CDH4: variants seen among roughly 807,000 people sequenced by gnomAD.
CDH4 encodes cadherin 4.
CDH4 carries 33 observed loss-of-function variants against 86.0 expected under a neutral mutation model. The observed-to-expected ratio is 0.38, with a 90% CI of 0.29 to 0.51. CDH4 has a LOEUF of 0.51. Ranked by LOEUF, CDH4 falls within the 20% of genes least tolerant of loss-of-function variation. The probability of loss-of-function intolerance (pLI) is 0.86; values close to 1 mark genes in which losing one functional copy is unlikely to be tolerated. For missense variants in CDH4, 1,114 were observed against 1,307.4 expected (o/e 0.85, Z 2.28); for synonymous variants, 555 against 549.4 (o/e 1.01, Z -0.14).
intron 5 of CDH4, 36 bp downstream of exon 5, chr20:61,844,859 G>T: frequency 6.3e-7 from 1 of 1,583,764 alleles, no homozygotes. Flanking sequence ...TGGGGCCCTG[G>T]GGTGGCGATC....
intron 2 of CDH4, among the ~76,000 whole-genome samples, chr20:61,557,345 G>A (rs1040692689): frequency 6.6e-6 from 1 of 152,184 alleles, no homozygotes; most frequent in African/African-American, 2.4e-5. Context: ...ACAACCCAGC[G>A]GCAGGTCCCC....
chr20:61,934,326 G>T (rs568698616), intron 15 of CDH4, 106 bp downstream of exon 15: 76 of 1,288,720 alleles, frequency 5.9e-5, no homozygotes, highest in East Asian at 2.8e-4. Flanking sequence ...CGGCTGCCGT[G>T]GGTGGGAGGC....
chr20:61,734,238 C>T (rs1056626698), intron 2 of CDH4, among the ~76,000 whole-genome samples: 3 of 152,228 alleles, frequency 2.0e-5, no homozygotes, highest in Non-Finnish European at 2.9e-5. Context: ...AAATTATTTC[C>T]TTCATCTTGG....
chr20:61,359,485 C>T (rs1243377691), intron 2 of CDH4, among the ~76,000 whole-genome samples: 3 of 152,202 alleles, frequency 2.0e-5, no homozygotes, highest in African/African-American at 7.2e-5. Flanking sequence ...GAGGAGGTTC[C>T]TTCCCACCAC....
At chr20:61,519,548 G>A (rs565357764) in intron 2 of CDH4, among the ~76,000 whole-genome samples, 1 of 152,312 alleles carries the variant, frequency 6.6e-6, no homozygotes, top group South Asian at 2.1e-4. Flanking sequence ...GTGATGTGAC[G>A]GGTCTGTGTT....
chr20:61,574,716 C>T (rs977862315), intron 2 of CDH4, among the ~76,000 whole-genome samples: 2 of 152,126 alleles, frequency 1.3e-5, no homozygotes, highest in Admixed American at 6.5e-5. Context: ...GGCCTCTCCA[C>T]AGGTTGGGGG....
chr20:61,671,893 A>AGGAT (rs889697133), intron 2 of CDH4, among the ~76,000 whole-genome samples: 28 of 150,084 alleles, frequency 1.9e-4, no homozygotes, highest in South Asian at 4.2e-4. Context: ...GGACAGATGG[A>AGGAT]GGATGGATGG....
intron 2 of CDH4, among the ~76,000 whole-genome samples, chr20:61,586,374 T>C (rs1213060022): frequency 6.6e-6 from 1 of 152,204 alleles, no homozygotes; most frequent in Non-Finnish European, 1.5e-5. Flanking sequence ...AAGCTCTTTA[T>C]GTGCATTAAC....
At chr20:61,274,961 T>G (rs1338086648) in intron 2 of CDH4, among the ~76,000 whole-genome samples, 56 of 101,696 alleles carry the variant, frequency 5.5e-4, no homozygotes, top group South Asian at 1.0e-3. Context: ...CAGTTTGGGG[T>G]AGTACCATAT....
chr20:61,635,503 G>A (rs1416222300), intron 2 of CDH4, among the ~76,000 whole-genome samples: 1 of 152,232 alleles, frequency 6.6e-6, no homozygotes, highest in Non-Finnish European at 1.5e-5. Flanking sequence ...CAGACCTTCA[G>A]GGTCTCAGCT....
intron 2 of CDH4, among the ~76,000 whole-genome samples, chr20:61,629,647 C>T (rs180956188): frequency 1.1e-4 from 16 of 152,328 alleles, no homozygotes; most frequent in Admixed American, 7.8e-4. Flanking sequence ...AAGGCGGCCG[C>T]GGTTTTTCCA....
intron 4 of CDH4, among the ~76,000 whole-genome samples, chr20:61,790,831 C>T (rs2146015552): frequency 6.6e-6 from 1 of 150,922 alleles, no homozygotes; most frequent in South Asian, 2.1e-4. Context: ...CACCCACCCA[C>T]CATCCATCCA....
intron 2 of CDH4, among the ~76,000 whole-genome samples, chr20:61,616,877 T>C (rs2086729271): frequency 6.6e-6 from 1 of 152,124 alleles, no homozygotes; most frequent in Non-Finnish European, 1.5e-5. Context: ...GGGTCCCCGC[T>C]GCACATCCAG....
intron 2 of CDH4, among the ~76,000 whole-genome samples, chr20:61,383,929 C>T (rs1432680940): frequency 1.3e-5 from 2 of 151,432 alleles, no homozygotes; most frequent in Non-Finnish European, 2.9e-5. Flanking sequence ...ATCACGAGGT[C>T]CCACAATAGG....
intron 2 of CDH4, among the ~76,000 whole-genome samples, chr20:61,706,641 G>A (rs571572699): frequency 1.3e-5 from 2 of 152,238 alleles, no homozygotes; most frequent in South Asian, 4.1e-4. Context: ...AGACCAAAGG[G>A]ATCGGTTTCT....
At chr20:61,789,437 G>A (rs962810594) in intron 4 of CDH4, among the ~76,000 whole-genome samples, 1 of 152,146 alleles carries the variant, frequency 6.6e-6, no homozygotes, top group Non-Finnish European at 1.5e-5. Flanking sequence ...GGGGAGGGGG[G>A]CGGTGCCTGG....
intron 7 of CDH4, among the ~76,000 whole-genome samples, chr20:61,890,531 G>A (rs1984775282): frequency 6.6e-6 from 1 of 151,652 alleles, no homozygotes; most frequent in African/African-American, 2.4e-5. Context: ...CAGGTGGATG[G>A]ATGGATTATG....
intron 2 of CDH4, among the ~76,000 whole-genome samples, chr20:61,606,586 G>A (rs1023779513): frequency 6.6e-6 from 1 of 152,232 alleles, no homozygotes; most frequent in Non-Finnish European, 1.5e-5. Context: ...GTTGGCAAAG[G>A]GGCCAGACCC....
At chr20:61,407,533 G>T (rs1319463607) in intron 2 of CDH4, among the ~76,000 whole-genome samples, 3 of 152,214 alleles carry the variant, frequency 2.0e-5, no homozygotes, top group Non-Finnish European at 4.4e-5. Context: ...CTTTAGAAAA[G>T]ACTTCGGCAG....
Sources: gnomAD v4.1 joint callset for allele counts (sites outside exome capture counted in the v4.1 genomes callset) on GRCh38, gnomAD v4.1.1 for gene constraint, MANE v1.5 for transcripts, NCBI Gene and HGNC (gene_info 2026-07-23, HGNC 2026-07-21) for gene names.